The following GRIN2C variants were observed in gnomAD, a reference collection of about 807,000 sequenced individuals.
GRIN2C encodes glutamate receptor ionotropic, NMDA 2C.
In GRIN2C, 64 loss-of-function variants were observed where a neutral mutation model predicts 77.7. The ratio of observed to expected loss-of-function variants is 0.82; its 90% CI spans 0.67 to 1.01. The LOEUF is 1.01. Among genes scored for constraint, GRIN2C ranks in the 50% least tolerant of loss-of-function variants. GRIN2C has a pLI of 0.00. For synonymous variants in GRIN2C, 792 were observed against 643.4 expected (o/e 1.23, Z -3.49); for missense variants, 1,549 against 1,486.0 (o/e 1.04, Z -0.70).
At position 74,852,076 on chromosome 17, in the gene GRIN2C, G is replaced by A. The variant is rs2037664261; in HGVS notation, c.935C>T (p.Ala312Val). Residue 312 changes from alanine (A) to valine (V), a missense_variant, in exon 3 of 13, where the codon GCC (alanine) becomes GTC (valine). This residue lies in a region of GRIN2C where 717 missense variants were observed against 858.1 expected (regional missense o/e 0.84). Coordinates refer to ENST00000293190, the MANE Select transcript of GRIN2C (RefSeq NM_000835.6). ...GTGAACACGGCAGTCCCCGGCCGGG[G>A]CTGGCAGGGTTCCATGCTGGCGCCA... ...SYWRQHGTLPAPAGDCRVHPG... is the reference protein window; with the variant it reads ...SYWRQHGTLPVPAGDCRVHPG... 2.7e-6 allele frequency: 4 copies of A among 1,459,338 alleles called. No homozygotes were observed. The highest frequency in any genetic ancestry group is 2.7e-6 in the Non-Finnish European group (3 of 1,104,754). The allele number at this position is 1,459,338 out of a possible 1,614,324, so 90.4% of individuals were successfully genotyped here.
chr17:74,859,112 C>T lies in GRIN2C; in HGVS notation c.-16+632G>A, dbSNP rs762087906. Among the ~76,000 whole-genome samples the T allele has an allele frequency of 1.1e-4, 16 of 152,216 alleles. No individual in the cohort carries two copies. Among genetic ancestry groups the T allele is most frequent in the Non-Finnish European group, 2.1e-4 (14 of 68,030 alleles). ...TGTGTGCACTCATTAACACCCTGCC[C>T]CACACTGGACTGCGGGCTCCTTGAG... On this transcript the variant is annotated intron_variant, in intron 1 of 12. Transcript: ENST00000293190. This position sits in a 1 kb window ranked among gnomAD's most constrained non-coding sequence, Gnocchi z 5.9.
chr17:74,849,764 CCACCCTGGGCCT>C lies in GRIN2C; in HGVS notation c.1645+4_1645+15del, dbSNP rs1236674267. ...CCTCTGCCCCCGGAGCCGTCTCTGCCCACCCTGGGCCTCACCCAAGAAGGCCGAGGGGGAGAC... is the reference window on the plus strand; with the variant it reads ...CCTCTGCCCCCGGAGCCGTCTCTGCCCACCCAAGAAGGCCGAGGGGGAGAC... On this transcript the variant is annotated splice_donor_5th_base_variant and intron_variant, in intron 7 of 12. Coordinates refer to ENST00000293190, the MANE Select transcript of GRIN2C (RefSeq NM_000835.6). The surrounding 1 kb of genome is among the most constrained non-coding windows in gnomAD (Gnocchi z 4.6). The C allele has an allele frequency of 1.9e-6, 3 of 1,606,468 alleles. No individual in the cohort carries two copies. Among genetic ancestry groups the C allele is most frequent in the Non-Finnish European group, 2.5e-6 (3 of 1,178,150 alleles).
In GRIN2C at chr17:74,846,780, C is replaced by T. The variant is rs923185095; in HGVS notation, c.2142G>A (p.Ala714=). 8.7e-6 allele frequency: 14 copies of T among 1,613,532 alleles called. No individual in the cohort carries two copies. Among genetic ancestry groups the T allele is most frequent in the Admixed American group, 3.3e-5 (2 of 59,974 alleles). ...CCCACCCCATCTTGAGGCTGGTGAG[C>T]GCGTCCTCCACCGAGCGCTGGTTGA... is the stretch of plus-strand genomic sequence containing the variant. ...VKFNQRSVED[A]LTSLKMGKLD... is the part of the protein sequence containing the mutation. The change falls in exon 10 of 13, where the codon GCG becomes GCA. Residue 714 remains alanine (A), a synonymous_variant. Coordinates refer to ENST00000293190, the MANE Select transcript of GRIN2C (RefSeq NM_000835.6). This position sits in a 1 kb window ranked among gnomAD's most constrained non-coding sequence, Gnocchi z 4.4.
rs1598479759 is a variant in GRIN2C at position 74,847,976 on chromosome 17, C to T, written c.1647G>A (p.Glu549=). ...TCACCCACACTGCAGGGCTATATGGCTCTGGGGACAGAGGGAGGCAGCTCA... is the reference window on the plus strand; with the variant it reads ...TCACCCACACTGCAGGGCTATATGGTTCTGGGGACAGAGGGAGGCAGCTCA... ...NGTVSPSAFL[E]PYSPAVWVMM... is the part of the protein sequence containing the mutation. The change falls in exon 8 of 13, where the codon GAG becomes GAA. Residue 549 remains glutamate, a splice_region_variant and synonymous_variant. Transcript: ENST00000293190. This position sits in a 1 kb window ranked among gnomAD's most constrained non-coding sequence, Gnocchi z 5.2. The T allele has an allele frequency of 6.2e-7, 1 of 1,614,074 alleles. No individual in the cohort carries two copies. Among genetic ancestry groups the T allele is most frequent in the South Asian group, 1.1e-5 (1 of 91,084 alleles).
rs776809690 is a variant in GRIN2C, at chr17:74,844,402, G to A, written c.2457C>T (p.Phe819=). The A allele has an allele frequency of 6.2e-7, 1 of 1,614,210 alleles. No homozygotes were observed. Among genetic ancestry groups the A allele is most frequent in the Admixed American group, 1.7e-5 (1 of 60,030 alleles). ...KLDIDNMAGV[F]YMLLVAMGLA... is the part of the protein sequence containing the mutation. ...GCCCCATGGCCACCAGCAGCATGTA[G>A]AAGACGCCTGCCATGTTGTCGATGT... Residue 819 remains phenylalanine, a synonymous_variant, in exon 12 of 13, where the codon TTC becomes TTT. Coordinates refer to ENST00000293190, the MANE Select transcript of GRIN2C (RefSeq NM_000835.6).
At chr17:74,855,219 G>C in intron 1 of GRIN2C, 112 bp from the exon 2 acceptor site, 2 of 824,516 alleles carry the variant, frequency 2.4e-6, no homozygotes, top group South Asian at 2.2e-5. Flanking sequence ...AGAGAAGAGG[G>C]GAAAACCTCC....
rs2037480236 is a variant in GRIN2C, at chr17:74,847,065, T to C, written c.2002-145A>G. 1 of 881,522 alleles carries C rather than the reference T, an allele frequency of 1.1e-6. No individual in the cohort carries two copies. The highest frequency in any genetic ancestry group is 1.7e-6 in the Non-Finnish European group (1 of 588,802). The allele number at this position is 881,522 out of a possible 1,614,324, so 54.6% of individuals were successfully genotyped here. A position where few individuals can be genotyped will look rare whatever the true frequency, so the allele number is the denominator to read the frequency against. Reference sequence around the variant, plus strand: ...TTAAAGGCTGTCCAGGCCACTCCTGTGTTTTCCAAATGGAGACTCTGAGGC... The same window carrying C: ...TTAAAGGCTGTCCAGGCCACTCCTGCGTTTTCCAAATGGAGACTCTGAGGC... On this transcript the variant is annotated intron_variant, in intron 9 of 12. Transcript: ENST00000293190. This position sits in a 1 kb window ranked among gnomAD's most constrained non-coding sequence, Gnocchi z 5.2.
In GRIN2C at chr17:74,855,112, G is replaced by C. The variant is rs749103401; in HGVS notation, c.-15-5C>G. 2 of 1,552,614 alleles carry C rather than the reference G, an allele frequency of 1.3e-6. No individual in the cohort carries two copies. Among genetic ancestry groups the C allele is most frequent in the Non-Finnish European group, 1.7e-6 (2 of 1,156,072 alleles). On this transcript the variant is annotated splice_polypyrimidine_tract_variant and splice_region_variant and intron_variant, in intron 1 of 12. Transcript: ENST00000293190. ...ACCCATGTCCACCGGAGGGTCCTGC[G>C]GAGAGACCAGAACAAGCACAGGGAG...
At position 74,847,552 on chromosome 17, in the gene GRIN2C, C is replaced by T. The variant is rs367726972; in HGVS notation, c.1772-15G>A. The T allele has an allele frequency of 2.7e-5, 42 of 1,572,826 alleles. No individual in the cohort carries two copies. Among genetic ancestry groups the T allele is most frequent in the Non-Finnish European group, 3.3e-5 (38 of 1,146,466 alleles). On this transcript the variant is annotated splice_polypyrimidine_tract_variant and intron_variant, in intron 8 of 12. Transcript: ENST00000293190. The surrounding 1 kb of genome is among the most constrained non-coding windows in gnomAD (Gnocchi z 5.2). ...GCCCCCGGACTCTGGGGGCAAGAGG[C>T]GGGGGGATGCTGGAGCTCCTCCTGC...
chr17:74,848,059 T>A (rs115547593), intron 7 of GRIN2C, 82 bp from the exon 8 acceptor site: 1 of 1,505,766 alleles, frequency 6.6e-7, no homozygotes, highest in Admixed American at 1.7e-5. Flanking sequence ...GACAGGTAGG[T>A]CCACGTGATC....
chr17:74,847,201 G>T lies in GRIN2C; in HGVS notation c.2001+107C>A. 1 of 892,626 alleles carries T rather than the reference G, an allele frequency of 1.1e-6. No homozygotes were observed. The highest frequency in any genetic ancestry group is 1.7e-6 in the Non-Finnish European group (1 of 572,464). 55.3% of individuals were successfully genotyped at this position (892,626 alleles called of 1,614,324 possible). A position where few individuals can be genotyped will look rare whatever the true frequency, so the allele number is the denominator to read the frequency against. On this transcript the variant is annotated intron_variant, in intron 9 of 12. Coordinates refer to ENST00000293190, the MANE Select transcript of GRIN2C (RefSeq NM_000835.6). The surrounding 1 kb of genome is among the most constrained non-coding windows in gnomAD (Gnocchi z 5.2). ...GGCCCTGAAGCTTCTTCCTGCCCCA[G>T]CCTCCAGGTCAAATTCCCCAGACTC... is the stretch of plus-strand genomic sequence containing the variant.
Position 74,854,875 on chromosome 17 carries a change from T to C in GRIN2C, c.218A>G (p.Asn73Ser). Residue 73 changes from asparagine to serine, a missense_variant, in exon 2 of 13, where the codon AAC (asparagine) becomes AGC (serine). Coordinates refer to ENST00000293190, the MANE Select transcript of GRIN2C (RefSeq NM_000835.6). ...GATCTGGGTGAGGAGGCTGCTGGGG[T>C]TGGTGGTGTTGACCCCAACTGTGAG... ...QPLTVGVNTT[N>S]PSSLLTQICG... 6.2e-7 allele frequency: 1 copy of C among 1,611,798 alleles called. No individual in the cohort carries two copies. Among genetic ancestry groups the C allele is most frequent in the Non-Finnish European group, 8.5e-7 (1 of 1,178,696 alleles).
At chr17:74,859,924 C>G (rs2037912958), upstream of GRIN2C, 1 of 163,488 alleles carries the variant, frequency 6.1e-6, no homozygotes, top group Non-Finnish European at 1.3e-5. This position sits in a 1 kb window ranked among gnomAD's most constrained non-coding sequence, Gnocchi z 5.9. Flanking sequence ...GGCGGGGACC[C>G]GCGCCACGCC....
chr17:74,849,735 G>A lies in GRIN2C; in HGVS notation c.1645+45C>T, dbSNP rs775978002. ...CCAAGCTGTACACACCCTCCTCGTGGGCCCCTCTGCCCCCGGAGCCGTCTC... is the reference window on the plus strand; with the variant it reads ...CCAAGCTGTACACACCCTCCTCGTGAGCCCCTCTGCCCCCGGAGCCGTCTC... On this transcript the variant is annotated intron_variant, in intron 7 of 12. Coordinates refer to ENST00000293190, the MANE Select transcript of GRIN2C (RefSeq NM_000835.6). The surrounding 1 kb of genome is among the most constrained non-coding windows in gnomAD (Gnocchi z 4.6). 8 of 1,577,510 alleles carry A rather than the reference G, an allele frequency of 5.1e-6. No homozygotes were observed. In the South Asian group the frequency reaches 6.8e-5, roughly 13 times the overall value.
Position 74,842,243 on chromosome 17 carries a change from C to G in GRIN2C, c.*192G>C. ...AGAACTCTGCGTGAGAAGAGGACAG[C>G]AAAAGCCCAGCCCTCACCATGATTT... On this transcript the variant is annotated 3_prime_UTR_variant, in exon 13 of 13. Transcript: ENST00000293190. 1 of 553,024 alleles carries G rather than the reference C, an allele frequency of 1.8e-6. No homozygotes were observed. The allele number at this position is 553,024 out of a possible 1,614,324, so 34.3% of individuals were successfully genotyped here.
Position 74,854,729 on chromosome 17 carries a change from T to C in GRIN2C, c.364A>G (p.Ile122Val), listed in dbSNP as rs748481607. ...AGGACCACAGCAGAGCCTCCGCTGA[T>C]GCTGAGGATGGGCACATGGGTCTGG... ...SSQTHVPILS[I>V]SGGSAVVLTP... is the part of the protein sequence containing the mutation. Residue 122 changes from isoleucine (I) to valine (V), a missense_variant, in exon 2 of 13, where the codon ATC becomes GTC. Ile to Val is a conservative substitution (Grantham distance 29, BLOSUM62 3). Transcript: ENST00000293190. 10 of 1,610,490 alleles carry C rather than the reference T, an allele frequency of 6.2e-6. No individual in the cohort carries two copies. The East Asian group carries it at 1.8e-4, about 29-fold the overall frequency.
chr17:74,854,605 C>G (rs756015866), intron 2 of GRIN2C, 89 bp downstream of exon 2: 4 of 1,111,816 alleles, frequency 3.6e-6, no homozygotes, highest in Non-Finnish European at 5.3e-6. Flanking sequence ...CCCATCCCGT[C>G]TAATCCCAGC....
Position 74,843,401 on chromosome 17 carries a change from G to T in GRIN2C, c.2736C>A (p.Ser912=), listed in dbSNP as rs116660914. 2.1e-4 allele frequency: 316 copies of T among 1,535,622 alleles called. No homozygotes were observed. The African/African-American group carries it at 3.7e-3, about 18-fold the overall frequency. Residue 912 remains serine (S), a synonymous_variant, in exon 13 of 13, where the codon TCC becomes TCA. Transcript: ENST00000293190. ...DMVTTAGVSS[S]LDRATRTIEN... ...CGATGGTGCGAGTGGCGCGGTCCAG[G>T]GAGCTGCTTACGCCCGCCGTGGTCA...
chr17:74,852,462 G>T lies in GRIN2C; in HGVS notation c.549C>A (p.Arg183=). ...PGHALFLEGV[R]AVADASHVSW... ...TCACGTGGCTGGCGTCGGCGACGGC[G>T]CGCACGCCCTCCAGGAAGAGCGCGT... is the stretch of plus-strand genomic sequence containing the variant. Residue 183 remains arginine, a synonymous_variant, in exon 3 of 13, where the codon CGC becomes CGA. Coordinates refer to ENST00000293190, the MANE Select transcript of GRIN2C (RefSeq NM_000835.6). The T allele has an allele frequency of 1.3e-6, 2 of 1,552,292 alleles. No individual in the cohort carries two copies. Among genetic ancestry groups the T allele is most frequent in the Non-Finnish European group, 8.6e-7 (1 of 1,159,480 alleles).
Sources: allele counts gnomAD v4.1 joint callset (sites outside exome capture counted in the v4.1 genomes callset), GRCh38; gene constraint gnomAD v4.1.1; regional missense constraint gnomAD v4.1.1; non-coding constraint Gnocchi (gnomAD v3.1); transcripts MANE v1.5; gene names NCBI Gene and HGNC (gene_info 2026-07-23, HGNC 2026-07-21).